Variants in FRMPD4 observed in about 807,000 individuals in gnomAD.
FRMPD4 encodes FERM and PDZ domain containing 4, also known as FERM and PDZ domain-containing protein 4.
Under a neutral mutation model 94.1 loss-of-function variants are expected in FRMPD4, and 22 were observed. The ratio of observed to expected loss-of-function variants is 0.23; its 90% CI spans 0.17 to 0.33. The LOEUF (loss-of-function observed/expected upper bound fraction) is 0.33, where lower values mean the gene tolerates loss of function less well. FRMPD4 is among the 10% of genes least tolerant of loss of function. FRMPD4 has a pLI of 1.00. For synonymous variants in FRMPD4, 631 were observed against 548.6 expected, an observed-to-expected ratio of 1.15 and a Z score of -2.10; for missense variants, 1,111 against 1,339.9, an observed-to-expected ratio of 0.83 and a Z score of 2.67.
At chrX:12,273,383 A>T (rs2054383780) in intron 1 of FRMPD4, among the ~76,000 whole-genome samples, 1 of 112,365 alleles carries the variant, frequency 8.9e-6, no homozygotes, top group African/African-American at 3.2e-5. Flanking sequence ...ATACAGTATG[A>T]CTTTTTTAAG....
intron 2 of FRMPD4, among the ~76,000 whole-genome samples, chrX:12,545,706 C>T (rs1286064065): frequency 8.9e-6 from 1 of 112,417 alleles, no homozygotes; most frequent in East Asian, 2.8e-4. Flanking sequence ...TTAGAAAGAG[C>T]CAGAAAATGA....
chrX:12,074,486 T>C (rs1410588487), intron 3 of FRMPD4, among the ~76,000 whole-genome samples: 1 of 111,683 alleles, frequency 9.0e-6, no homozygotes, highest in Non-Finnish European at 1.9e-5. Context: ...AAGAGATCAG[T>C]GTCTTAATCT....
chrX:12,465,693 G>GT (rs1287962462), intron 1 of FRMPD4, among the ~76,000 whole-genome samples: 1 of 111,975 alleles, frequency 8.9e-6, no homozygotes, highest in Non-Finnish European at 1.9e-5. Context: ...GCTTGGGAGA[G>GT]TTGTGAGCTT....
At chrX:12,564,769 C>T (rs1264757126) in intron 2 of FRMPD4, among the ~76,000 whole-genome samples, 1 of 110,170 alleles carries the variant, frequency 9.1e-6, no homozygotes, top group Admixed American at 9.7e-5. Context: ...GAGGCTGGAA[C>T]TGGAAAAATA....
chrX:12,686,763 A>G (rs1313530141), intron 7 of FRMPD4, among the ~76,000 whole-genome samples: 2 of 112,413 alleles, frequency 1.8e-5, no homozygotes, highest in Admixed American at 9.4e-5. Context: ...TCACAAAGCA[A>G]TCCTATTCTT....
chrX:12,492,985 G>T (rs922348943), intron 1 of FRMPD4, among the ~76,000 whole-genome samples: 3 of 111,202 alleles, frequency 2.7e-5, no homozygotes, highest in African/African-American at 9.8e-5. Context: ...ATTCATGGGG[G>T]CAAGAAACTG....
intron 3 of FRMPD4, among the ~76,000 whole-genome samples, chrX:12,087,592 G>A (rs192958555): frequency 8.9e-6 from 1 of 112,014 alleles, no homozygotes; most frequent in African/African-American, 3.2e-5. Flanking sequence ...AGGTACAAAA[G>A]TCTTGTTCAA....
chrX:12,700,218 A>C (rs1157808108), intron 9 of FRMPD4, among the ~76,000 whole-genome samples: 1 of 112,129 alleles, frequency 8.9e-6, no homozygotes, highest in Non-Finnish European at 1.9e-5. Flanking sequence ...AGAAGGTCAA[A>C]GAAATACTTT....
At chrX:12,680,041 C>T (rs1450786821) in intron 5 of FRMPD4, among the ~76,000 whole-genome samples, 1 of 111,885 alleles carries the variant, frequency 8.9e-6, no homozygotes, top group Non-Finnish European at 1.9e-5. Context: ...TAATACTGTA[C>T]AGCTCTAGGA....
At chrX:12,376,361 T>C (rs776522932) in intron 1 of FRMPD4, among the ~76,000 whole-genome samples, 15 of 112,453 alleles carry the variant, frequency 1.3e-4, no homozygotes, top group Non-Finnish European at 2.8e-4. Context: ...TCATTGGTGC[T>C]AACATATGCA....
intron 1 of FRMPD4, among the ~76,000 whole-genome samples, chrX:12,380,654 C>T (rs766954172): frequency 3.6e-5 from 4 of 112,154 alleles, no homozygotes; most frequent in Admixed American, 1.9e-4. Context: ...TTTGAGGACC[C>T]GACCTTGCGT....
intron 1 of FRMPD4, among the ~76,000 whole-genome samples, chrX:12,381,301 A>T (rs769444315): frequency 1.2e-4 from 14 of 112,352 alleles, no homozygotes. Flanking sequence ...CCCTATCCAG[A>T]GGCCTGTGAA....
intron 1 of FRMPD4, among the ~76,000 whole-genome samples, chrX:12,407,596 A>G (rs1055418692): frequency 8.9e-6 from 1 of 112,482 alleles, no homozygotes; most frequent in African/African-American, 3.2e-5. Flanking sequence ...AAGATACACT[A>G]GCTATTGATG....
chrX:12,226,242 C>T (rs143451417), intron 1 of FRMPD4, among the ~76,000 whole-genome samples: 1,305 of 111,012 alleles, frequency 0.012, 14 homozygotes, highest in African/African-American at 0.04. Context: ...GTAGCTGGGA[C>T]GACAGTTGAG....
intron 3 of FRMPD4, among the ~76,000 whole-genome samples, chrX:12,101,897 T>A (rs1419066667): frequency 1.8e-5 from 2 of 112,349 alleles, no homozygotes; most frequent in Admixed American, 9.4e-5. Context: ...TATATCTCCA[T>A]CTATAGCTGT....
intron 3 of FRMPD4, among the ~76,000 whole-genome samples, chrX:12,036,269 C>T (rs1366698169): frequency 1.8e-5 from 2 of 112,015 alleles, no homozygotes; most frequent in African/African-American, 6.5e-5. Context: ...TCATGAGAAA[C>T]ATCAGACCAA....
At chrX:12,043,186 C>T (rs2054766291) in intron 3 of FRMPD4, among the ~76,000 whole-genome samples, 1 of 111,337 alleles carries the variant, frequency 9.0e-6, no homozygotes, top group Non-Finnish European at 1.9e-5. Flanking sequence ...GCAGAATTTG[C>T]CAAAATCTTC....
chrX:12,110,266 T>C (rs1332650978), intron 3 of FRMPD4, among the ~76,000 whole-genome samples: 1 of 112,177 alleles, frequency 8.9e-6, no homozygotes, highest in Non-Finnish European at 1.9e-5. Context: ...TGGTTCAACA[T>C]AGGCAAATCA....
chrX:12,713,481 GGAGAGA>G (rs9331478), intron 14 of FRMPD4, among the ~76,000 whole-genome samples: 8 of 105,005 alleles, frequency 7.6e-5, no homozygotes, highest in African/African-American at 1.0e-4. Flanking sequence ...GGAGGTAGGT[GGAGAGA>G]GAGAGAGAGA....
Sources: allele counts gnomAD v4.1 joint callset (sites outside exome capture counted in the v4.1 genomes callset), GRCh38; gene constraint gnomAD v4.1.1; transcripts MANE v1.5; gene names NCBI Gene and HGNC (gene_info 2026-07-23, HGNC 2026-07-21).